The following PBX1 variants were observed in gnomAD, a reference collection of about 807,000 sequenced individuals.
The protein encoded by PBX1 is PBX homeobox 1, also known as pre-B-cell leukemia transcription factor 1.
PBX1 carries 6 observed loss-of-function variants against 53.4 expected under a neutral mutation model. The ratio of observed to expected loss-of-function variants is 0.11; its 90% CI spans 0.06 to 0.22. PBX1 has a LOEUF of 0.22. Ranked by LOEUF, PBX1 falls within the 10% of genes least tolerant of loss-of-function variation. PBX1 has a pLI of 1.00. For missense variants in PBX1, 251 were observed against 551.4 expected (o/e 0.46, Z 5.46); for synonymous variants, 204 against 212.3 (o/e 0.96, Z 0.34).
chr1:164,658,221 C>T (rs1023682874), intron 2 of PBX1, among the ~76,000 whole-genome samples: 3 of 151,112 alleles, frequency 2.0e-5, no homozygotes, highest in Non-Finnish European at 4.4e-5. Context: ...ATCAACCTTA[C>T]AGCCCATGCG....
At chr1:164,797,362 G>C (rs1196180965) in intron 3 of PBX1, among the ~76,000 whole-genome samples, 1 of 152,164 alleles carries the variant, frequency 6.6e-6, no homozygotes, top group Middle Eastern at 3.2e-3. Flanking sequence ...TCTCTAGAAA[G>C]GTGGCTAGGA....
rs59338120 is a variant in PBX1, at chr1:164,571,873, G to GTATATATA, written c.265+8598_265+8605dup. Among the ~76,000 whole-genome samples the GTATATATA allele has an allele frequency of 2.6e-3, 78 of 29,886 alleles. 1 individual carries two copies. The highest frequency in any genetic ancestry group is 3.0e-3 in the Non-Finnish European group (50 of 16,726). 19.6% of individuals were successfully genotyped at this position (29,886 alleles called of 152,430 possible). The stretch of plus-strand genomic sequence containing the variant: ...TTTGATATACAAAAATCTGTACATT[G>GTATATATA]TATATATATATATATATATATATAT... On this transcript the variant is annotated intron_variant, in intron 2 of 8. Coordinates refer to ENST00000420696, the MANE Select transcript of PBX1 (RefSeq NM_002585.4).
intron 2 of PBX1, among the ~76,000 whole-genome samples, chr1:164,861,777 AT>A (rs1385940060): frequency 6.6e-6 from 1 of 152,242 alleles, no homozygotes; most frequent in Non-Finnish European, 1.5e-5. Flanking sequence ...GAATAAGGAA[AT>A]AAACCATTAG....
intron 2 of PBX1, among the ~76,000 whole-genome samples, chr1:164,663,897 A>G (rs1477434316): frequency 6.6e-6 from 1 of 152,224 alleles, no homozygotes; most frequent in Non-Finnish European, 1.5e-5. Context: ...AAGAAAGTGA[A>G]AGATGGTGGT....
At chr1:164,626,288 T>C (rs1333564098) in intron 2 of PBX1, among the ~76,000 whole-genome samples, 3 of 152,214 alleles carry the variant, frequency 2.0e-5, no homozygotes, top group African/African-American at 7.2e-5. Flanking sequence ...TTTTCAGTAG[T>C]AGGTTTTCCT....
intron 2 of PBX1, among the ~76,000 whole-genome samples, chr1:164,628,989 T>G (rs1159080923): frequency 6.6e-6 from 1 of 152,160 alleles, no homozygotes; most frequent in African/African-American, 2.4e-5. Flanking sequence ...TTTCTTAGGG[T>G]AGAGCAGGAT....
rs1187073384 is a variant in PBX1, at chr1:164,795,066, A to T, written c.510+2328A>T. Among the ~76,000 whole-genome samples the T allele has an allele frequency of 5.4e-3, 829 of 152,346 alleles. 8 individuals are homozygous for T. The highest frequency in any genetic ancestry group is 0.019 in the African/African-American group (781 of 41,580). ...TTTTAATAGCATGTCACCAATTACA[A>T]AACACTGCGGCTGACATAACGGCAC... On this transcript the variant is annotated intron_variant, in intron 3 of 8. Transcript: ENST00000420696.
intron 8 of PBX1, among the ~76,000 whole-genome samples, chr1:164,845,296 C>G (rs1671512185): frequency 7.0e-6 from 1 of 142,444 alleles, no homozygotes; most frequent in South Asian, 2.3e-4. Context: ...TTTTCTCTTG[C>G]ACCTCTGCTC....
chr1:164,671,572 G>A (rs1339374205), intron 2 of PBX1, among the ~76,000 whole-genome samples: 4 of 151,908 alleles, frequency 2.6e-5, no homozygotes, highest in Non-Finnish European at 4.4e-5. Context: ...TTCCCCTGTC[G>A]TTACCCTTTC....
At chr1:164,774,985 T>C (rs779369406) in intron 2 of PBX1, among the ~76,000 whole-genome samples, 6 of 152,226 alleles carry the variant, frequency 3.9e-5, no homozygotes, top group African/African-American at 4.8e-5. Flanking sequence ...CTGATTACTG[T>C]CTGGTGTGTG....
chr1:164,808,073 G>A (rs1404819438), intron 5 of PBX1, among the ~76,000 whole-genome samples: 1 of 152,136 alleles, frequency 6.6e-6, no homozygotes, highest in African/African-American at 2.4e-5. Flanking sequence ...AACTTTAAGA[G>A]TCAGTGAATG....
chr1:164,816,343 T>A (rs1208046654), intron 6 of PBX1: 1 of 152,160 alleles, frequency 6.6e-6, no homozygotes. Context: ...AAAGGGCCTA[T>A]CCTTTGAGCT....
Position 164,846,571 on chromosome 1 carries a change from T to G in PBX1, c.1201-13T>G. 1 of 1,613,400 alleles carries G rather than the reference T, an allele frequency of 6.2e-7. No individual in the cohort carries two copies. The highest frequency in any genetic ancestry group is 8.5e-7 in the Non-Finnish European group (1 of 1,179,368). ...TCTCAGAGGACTGACTTCTCTCCCT[T>G]TTTCCCTTCTAGGCTAATGGAGGTT... On this transcript the variant is annotated splice_polypyrimidine_tract_variant and intron_variant, in intron 8 of 8. Coordinates refer to ENST00000420696, the MANE Select transcript of PBX1 (RefSeq NM_002585.4).
At chr1:164,748,279 A>G (rs947483620) in intron 2 of PBX1, among the ~76,000 whole-genome samples, 1 of 152,208 alleles carries the variant, frequency 6.6e-6, no homozygotes, top group Non-Finnish European at 1.5e-5. Context: ...GAGCCAGTTC[A>G]TTGAGGTTCG....
chr1:164,766,318 T>G (rs1316755797), intron 2 of PBX1, among the ~76,000 whole-genome samples: 1 of 152,234 alleles, frequency 6.6e-6, no homozygotes, highest in Non-Finnish European at 1.5e-5. Flanking sequence ...TCATTACAGA[T>G]TTAAGAAGAG....
intron 2 of PBX1, among the ~76,000 whole-genome samples, chr1:164,593,149 G>A (rs1439135110): frequency 6.6e-6 from 1 of 151,964 alleles, no homozygotes; most frequent in African/African-American, 2.4e-5. Context: ...ATAGAGATGG[G>A]GTTTCGCCAT....
chr1:164,773,317 C>T (rs77461406), intron 2 of PBX1, among the ~76,000 whole-genome samples: 6 of 151,032 alleles, frequency 4.0e-5, no homozygotes, highest in Non-Finnish European at 7.4e-5. Context: ...ACTGTCAGAT[C>T]GTAACCTGAT....
chr1:164,852,888 C>A (rs1041609029), downstream of PBX1, among the ~76,000 whole-genome samples: 1 of 152,144 alleles, frequency 6.6e-6, no homozygotes, highest in African/African-American at 2.4e-5. Context: ...TTGGAATATA[C>A]TTACGGGAGC....
intron 2 of PBX1, among the ~76,000 whole-genome samples, chr1:164,660,946 A>T (rs1359382687): frequency 6.6e-6 from 1 of 152,156 alleles, no homozygotes; most frequent in Non-Finnish European, 1.5e-5. Context: ...AAGCACCTTG[A>T]TGTATACCTG....
Sources: allele counts gnomAD v4.1 joint callset (sites outside exome capture counted in the v4.1 genomes callset), GRCh38; gene constraint gnomAD v4.1.1; transcripts MANE v1.5; gene names NCBI Gene and HGNC (gene_info 2026-07-23, HGNC 2026-07-21).